Variants in NBEAL2 observed in about 807,000 individuals in gnomAD.
NBEAL2 encodes the protein neurobeachin-like protein 2.
NBEAL2 carries 160 observed loss-of-function variants against 299.8 expected under a neutral mutation model. That is an observed-to-expected ratio of 0.53 (90% CI 0.47 to 0.61). The LOEUF (loss-of-function observed/expected upper bound fraction) is 0.61. Among genes scored for constraint, NBEAL2 ranks in the 20% least tolerant of loss-of-function variants. The probability of loss-of-function intolerance (pLI) is 0.00; values close to 1 mark genes in which losing one functional copy is unlikely to be tolerated. For missense variants in NBEAL2, 3,112 were observed against 3,649.0 expected (o/e 0.85, Z 3.79); for synonymous variants, 1,493 against 1,542.3 (o/e 0.97, Z 0.75).
chr3:46,998,663 C>T, intron 22 of NBEAL2, 54 bp from the exon 23 acceptor site: 2 of 1,553,834 alleles, frequency 1.3e-6, no homozygotes, highest in South Asian at 1.2e-5. Context: ...CCTGCCCACC[C>T]TCTCTCCCCG....
chr3:47,006,162 C>CA lies in NBEAL2; in HGVS notation c.6920-2dup. 1 of 1,613,824 alleles carries CA rather than the reference C, an allele frequency of 6.2e-7. No individual in the cohort carries two copies. Among genetic ancestry groups the CA allele is most frequent in the Non-Finnish European group, 8.5e-7 (1 of 1,179,872 alleles). ...GCCCTGACTGCTCTGCCTGCCTTCC[C>CA]AGGGGCTGTAGACCTGGACCATGTG... On this transcript the variant is annotated splice_polypyrimidine_tract_variant and splice_region_variant and intron_variant, in intron 43 of 53. Transcript: ENST00000450053.
intron 50 of NBEAL2, 43 bp from the exon 51 acceptor site, chr3:47,008,240 G>T: frequency 6.2e-7 from 1 of 1,613,132 alleles, no homozygotes; most frequent in Non-Finnish European, 8.5e-7. Context: ...AATCCCCCTG[G>T]AGCCCAGACT....
In NBEAL2 at chr3:47,001,586, A is replaced by T. The variant is rs975887860; in HGVS notation, c.4645-103A>T. The T allele has an allele frequency of 8.9e-6, 14 of 1,573,794 alleles. No individual in the cohort carries two copies. The highest frequency in any genetic ancestry group is 1.3e-5 in the African/African-American group (1 of 74,392). ...TGTGAGTGTGGACTTGCCTGTGTGC[A>T]CAAACCCTACCTGGCCCCCAGCGCA... On this transcript the variant is annotated intron_variant, in intron 29 of 53. Coordinates refer to ENST00000450053, the MANE Select transcript of NBEAL2 (RefSeq NM_015175.3). This position sits in a 1 kb window ranked among gnomAD's most constrained non-coding sequence, Gnocchi z 6.1.
rs760499968 is a variant in NBEAL2, at chr3:46,991,495, G to A, written c.732G>A (p.Pro244=). Residue 244 remains proline (P), a synonymous_variant, in exon 8 of 54, where the codon CCG becomes CCA. Transcript: ENST00000450053. The surrounding 1 kb of genome is among the most constrained non-coding windows in gnomAD (Gnocchi z 6.2). ...RGWSRGPAPD[P]CLVPLALEAL... ...GGAGCCGTGGGCCAGCCCCGGACCC[G>A]TGCCTAGTGCCACTGGCTCTAGAGG... 14 of 1,612,218 alleles carry A rather than the reference G, an allele frequency of 8.7e-6. No homozygotes were observed. In the East Asian group the frequency reaches 1.1e-4, roughly 13 times the overall value.
intron 20 of NBEAL2, 128 bp downstream of exon 20, chr3:46,997,822 A>C: frequency 7.5e-7 from 1 of 1,333,782 alleles, no homozygotes; most frequent in Non-Finnish European, 9.9e-7. Context: ...GTGGGGCCTG[A>C]AAGGCCGAGC....
Position 47,007,167 on chromosome 3 carries a change from G to A in NBEAL2, c.7224+12G>A, listed in dbSNP as rs1422539951. ...CCCCAGACCTGTTGGTAAGTGCATT[G>A]TGCAGAGCCCCAGCTCAGCTCCACT... On this transcript the variant is annotated intron_variant, in intron 46 of 53. Coordinates refer to ENST00000450053, the MANE Select transcript of NBEAL2 (RefSeq NM_015175.3). 6.2e-7 allele frequency: 1 copy of A among 1,613,288 alleles called. No individual in the cohort carries two copies. Among genetic ancestry groups the A allele is most frequent in the East Asian group, 2.2e-5 (1 of 44,876 alleles).
At position 46,982,377 on chromosome 3, in the gene NBEAL2, G is replaced by C. The variant is rs1163078649; in HGVS notation, c.51+2465G>C. ...TTGTGGGTCTGGGTGGGGATGGAGA[G>C]GGGGGAGTAACTCCTTCCTGCCCTT... On this transcript the variant is annotated intron_variant, in intron 1 of 53. Transcript: ENST00000450053. The surrounding 1 kb of genome is among the most constrained non-coding windows in gnomAD (Gnocchi z 4.2). Among the ~76,000 whole-genome samples, 2 of 152,154 alleles carry C rather than the reference G, an allele frequency of 1.3e-5. No individual in the cohort carries two copies. The highest frequency in any genetic ancestry group is 2.9e-5 in the Non-Finnish European group (2 of 68,024).
Position 47,005,012 on chromosome 3 carries a change from A to G in NBEAL2, c.6335A>G (p.Asp2112Gly). The change falls in exon 39 of 54, where the codon GAC (aspartate) becomes GGC (glycine). Residue 2112 changes from aspartate to glycine, a missense_variant. Around this residue, in one of 3 missense-constraint regions of NBEAL2, gnomAD observed 521 missense variants for 729.6 expected, o/e 0.71. Transcript: ENST00000450053. ...VLQDYVSPTLDLSNPAVFRDL... is the reference protein window; with the variant it reads ...VLQDYVSPTLGLSNPAVFRDL... ...CAGGACTACGTGTCCCCAACCCTGG[A>G]CCTCAGCAACCCAGCCGTCTTCCGG... 1 of 1,612,054 alleles carries G rather than the reference A, an allele frequency of 6.2e-7. No individual in the cohort carries two copies. The highest frequency in any genetic ancestry group is 8.5e-7 in the Non-Finnish European group (1 of 1,179,192).
At chr3:47,008,257 C>T (rs753236039) in intron 50 of NBEAL2, 26 bp from the exon 51 acceptor site, 5 of 1,612,988 alleles carry the variant, frequency 3.1e-6, no homozygotes, top group African/African-American at 2.7e-5. Flanking sequence ...GACTCCTGCC[C>T]AGGACCCTAA....
chr3:46,996,261 G>T lies in NBEAL2; in HGVS notation c.2152-10G>T, dbSNP rs926526909. The T allele has an allele frequency of 1.2e-6, 2 of 1,604,268 alleles. No homozygotes were observed. Among genetic ancestry groups the T allele is most frequent in the Non-Finnish European group, 8.5e-7 (1 of 1,179,670 alleles). The stretch of plus-strand genomic sequence containing the variant: ...GTGACCTGACCGCTCCCCCAACCCC[G>T]GCCCCACAGCCTTTCTCCTCCTGCT... On this transcript the variant is annotated splice_polypyrimidine_tract_variant and intron_variant, in intron 15 of 53. Transcript: ENST00000450053.
chr3:46,987,476 C>T (rs1277668805), intron 1 of NBEAL2, among the ~76,000 whole-genome samples: 3 of 152,232 alleles, frequency 2.0e-5, no homozygotes, highest in African/African-American at 4.8e-5. Context: ...CACCCCTGGC[C>T]CCTGGGAGGG....
rs2037293417 is a variant in NBEAL2 at position 47,004,679 on chromosome 3, C to T, written c.6294+89C>T. The T allele has an allele frequency of 7.3e-7, 1 of 1,366,176 alleles. No individual in the cohort carries two copies. The highest frequency in any genetic ancestry group is 1.0e-6 in the Non-Finnish European group (1 of 960,884). The allele number at this position is 1,366,176 out of a possible 1,614,324, so 84.6% of individuals were successfully genotyped here. A position where few individuals can be genotyped will look rare whatever the true frequency, so the allele number is the denominator to read the frequency against. On this transcript the variant is annotated intron_variant, in intron 38 of 53. Transcript: ENST00000450053. The surrounding 1 kb of genome is among the most constrained non-coding windows in gnomAD (Gnocchi z 5.0). ...CAAGTGTAGGTACCTGCCAGTGGGCCAAGCTCTGAGCTTGGTCAAGGGTAG... is the reference window on the plus strand; with the variant it reads ...CAAGTGTAGGTACCTGCCAGTGGGCTAAGCTCTGAGCTTGGTCAAGGGTAG...
In NBEAL2 at chr3:47,008,118, G is replaced by C; in HGVS notation, c.7651G>C (p.Gly2551Arg). The C allele has an allele frequency of 6.2e-7, 1 of 1,614,038 alleles. No homozygotes were observed. The highest frequency in any genetic ancestry group is 1.3e-5 in the African/African-American group (1 of 75,062). ...LAPKPVQVLY[G>R]HGAAVSCVAI... ...ACCAAAGCCTGTGCAGGTCCTGTAT[G>C]GGCATGGGGCTGCAGTGAGCTGTGT... Residue 2551 changes from glycine (G) to arginine (R), a missense_variant, in exon 50 of 54, where the codon GGG becomes CGG. Physicochemically the swap from Gly to Arg is moderately radical, Grantham distance 125 (BLOSUM62 -2). This residue lies in a region of NBEAL2 where 348 missense variants were observed against 381.4 expected (regional missense o/e 0.91). Transcript: ENST00000450053.
chr3:46,999,881 G>T lies in NBEAL2; in HGVS notation c.3790-8G>T, dbSNP rs370955298. 4.4e-6 allele frequency: 7 copies of T among 1,602,164 alleles called. No homozygotes were observed. The Admixed American group carries it at 8.4e-5, about 19-fold the overall frequency. ...ATGCGTCCTCACTTGCTGTGCTCTC[G>T]CCTGCAGCTTTTCCACCTCATCTAC... On this transcript the variant is annotated splice_polypyrimidine_tract_variant and splice_region_variant and intron_variant, in intron 26 of 53. Transcript: ENST00000450053.
chr3:46,992,353 C>G (rs989924935), intron 9 of NBEAL2, 122 bp from the exon 10 acceptor site: 5 of 915,358 alleles, frequency 5.5e-6, no homozygotes, highest in Middle Eastern at 6.2e-4. Flanking sequence ...GCACCCTACT[C>G]TTCCCTAGTG....
rs200641534 is a variant in NBEAL2, at chr3:47,003,251, C to G, written c.5662C>G (p.Pro1888Ala). ...CAAAGAGGCCAAAGTGAGCACCCCA[C>G]CCGAGTTGCTGCAGGAGGACCAGCT... Reference protein sequence around the residue: ...VTKEAKVSTPPELLQEDQLGE... With the variant: ...VTKEAKVSTPAELLQEDQLGE... Residue 1888 changes from proline to alanine, a missense_variant, in exon 35 of 54, where the codon CCC (proline) becomes GCC (alanine). By Grantham distance (27) the Pro-to-Ala change is conservative (BLOSUM62 -1). Coordinates refer to ENST00000450053, the MANE Select transcript of NBEAL2 (RefSeq NM_015175.3). The surrounding 1 kb of genome is among the most constrained non-coding windows in gnomAD (Gnocchi z 7.0). 1,223 of 1,613,218 alleles carry G rather than the reference C, an allele frequency of 7.6e-4. 20 individuals carry two copies. The South Asian group carries it at 9.9e-3, about 13-fold the overall frequency.
intron 6 of NBEAL2, among the ~76,000 whole-genome samples, chr3:46,990,977 C>T (rs1485234797): frequency 6.6e-6 from 1 of 152,162 alleles, no homozygotes; most frequent in Admixed American, 6.5e-5. Flanking sequence ...ACTCTCAGGG[C>T]TGGTCTTTGT....
rs372541590 is a variant in NBEAL2 at position 47,009,008 on chromosome 3, C to G, written c.8047C>G (p.Pro2683Ala). 2.5e-6 allele frequency: 4 copies of G among 1,599,948 alleles called. No individual in the cohort carries two copies. The African/African-American group carries it at 5.3e-5, about 21-fold the overall frequency. The change falls in exon 53 of 54, where the codon CCC becomes GCC. Residue 2683 changes from proline (P) to alanine (A), a missense_variant. Pro to Ala is a conservative substitution (Grantham distance 27, BLOSUM62 -1). Around this residue, in one of 3 missense-constraint regions of NBEAL2, gnomAD observed 348 missense variants for 381.4 expected, o/e 0.91. Coordinates refer to ENST00000450053, the MANE Select transcript of NBEAL2 (RefSeq NM_015175.3). ...TTCCAGACTGCTCCCGGCCGCGCCT[C>G]CCTTGCCCATGAAGGTGGCCATCCG... ...QLNTLLPAAP[P>A]LPMKVAIRSV...
At chr3:46,994,735 C>G (rs2036355650) in intron 12 of NBEAL2, among the ~76,000 whole-genome samples, 182 bp downstream of exon 12, 1 of 152,180 alleles carries the variant, frequency 6.6e-6, no homozygotes, top group Admixed American at 6.5e-5. Context: ...TGTAGGGGTC[C>G]TGGAAGCAAC....
Sources: gnomAD v4.1 joint callset for allele counts (sites outside exome capture counted in the v4.1 genomes callset) on GRCh38, gnomAD v4.1.1 for gene constraint, gnomAD v4.1.1 regional missense constraint, Gnocchi (gnomAD v3.1) non-coding constraint, MANE v1.5 for transcripts, NCBI Gene and HGNC (gene_info 2026-07-23, HGNC 2026-07-21) for gene names.